Variants in TMEM45A observed in about 807,000 individuals in gnomAD.
The protein encoded by TMEM45A is transmembrane protein 45A.
In TMEM45A, 25 loss-of-function variants were observed where a neutral mutation model predicts 32.0. The ratio of observed to expected loss-of-function variants is 0.78; its 90% CI spans 0.57 to 1.09. The LOEUF (loss-of-function observed/expected upper bound fraction) is 1.09, where lower values mean the gene tolerates loss of function less well. Among genes scored for constraint, TMEM45A ranks in the 50% least tolerant of loss-of-function variants. The pLI is 0.00. For synonymous variants in TMEM45A, 122 were observed against 114.8 expected (o/e 1.06, Z -0.40); for missense variants, 302 against 325.0 (o/e 0.93, Z 0.54).
chr3:100,563,841 C>A (rs1287868253), intron 4 of TMEM45A, among the ~76,000 whole-genome samples: 1 of 152,174 alleles, frequency 6.6e-6, no homozygotes, highest in Non-Finnish European at 1.5e-5. Context: ...ACTGATATCT[C>A]CAAAGCAACA....
At chr3:100,526,806 A>G (rs1705553982) in intron 1 of TMEM45A, among the ~76,000 whole-genome samples, 2 of 152,212 alleles carry the variant, frequency 1.3e-5, no homozygotes, top group Admixed American at 1.3e-4. Flanking sequence ...ACTGTCTTAG[A>G]GTCCCCTAAG....
intron 5 of TMEM45A, chr3:100,572,615 T>C (rs1277920565): frequency 3.9e-5 from 6 of 152,044 alleles, no homozygotes; most frequent in Non-Finnish European, 8.8e-5. Flanking sequence ...TTAGATCCCA[T>C]TTGTCAATTT....
chr3:100,511,699 A>C (rs1178381443), intron 1 of TMEM45A, among the ~76,000 whole-genome samples: 2 of 150,738 alleles, frequency 1.3e-5, no homozygotes, highest in African/African-American at 4.8e-5. Flanking sequence ...AAGAGTCAAG[A>C]CCCATCAGTG....
At chr3:100,506,453 C>T (rs898752365) in intron 1 of TMEM45A, among the ~76,000 whole-genome samples, 1 of 152,166 alleles carries the variant, frequency 6.6e-6, no homozygotes, top group Non-Finnish European at 1.5e-5. Flanking sequence ...ACCACTCTCC[C>T]TGACTGTCCT....
At chr3:100,540,848 A>G (rs1705859352) in intron 1 of TMEM45A, among the ~76,000 whole-genome samples, 1 of 152,206 alleles carries the variant, frequency 6.6e-6, no homozygotes, top group Non-Finnish European at 1.5e-5. Flanking sequence ...GTATATACCC[A>G]GTAATGGAAT....
intron 1 of TMEM45A, among the ~76,000 whole-genome samples, chr3:100,537,139 T>A (rs950853388): frequency 2.0e-5 from 3 of 152,154 alleles, no homozygotes; most frequent in Admixed American, 6.5e-5. Context: ...GCTAGGTTGG[T>A]CTCAAACTCC....
intron 4 of TMEM45A, among the ~76,000 whole-genome samples, chr3:100,560,255 C>CTCTT (rs1477606699): frequency 1.6e-5 from 2 of 127,916 alleles, no homozygotes; most frequent in African/African-American, 5.8e-5. Context: ...GCTTCTCTCT[C>CTCTT]TCTCTCTTTT....
chr3:100,526,410 G>A (rs1026011898), intron 1 of TMEM45A, among the ~76,000 whole-genome samples: 9 of 152,112 alleles, frequency 5.9e-5, no homozygotes, highest in Non-Finnish European at 7.3e-5. Context: ...TTCTTTAAAT[G>A]CTAAGGGCCA....
chr3:100,499,213 T>C (rs185511434), intron 1 of TMEM45A, among the ~76,000 whole-genome samples: 2 of 152,336 alleles, frequency 1.3e-5, no homozygotes, highest in Admixed American at 1.3e-4. Flanking sequence ...CTAATTTCTT[T>C]ATTTTTTTCT....
chr3:100,564,544 C>A (rs1349358577), intron 4 of TMEM45A, among the ~76,000 whole-genome samples: 1 of 151,072 alleles, frequency 6.6e-6, no homozygotes, highest in Non-Finnish European at 1.5e-5. Flanking sequence ...AGTGCAGTGG[C>A]ACAATCTCAG....
At chr3:100,538,288 C>T (rs975639331) in intron 1 of TMEM45A, among the ~76,000 whole-genome samples, 3 of 152,208 alleles carry the variant, frequency 2.0e-5, no homozygotes, top group African/African-American at 7.2e-5. Flanking sequence ...ATTTCTAAAA[C>T]TGGCATTCAG....
chr3:100,559,614 A>C (rs962295056), intron 4 of TMEM45A, among the ~76,000 whole-genome samples: 1 of 152,068 alleles, frequency 6.6e-6, no homozygotes, highest in African/African-American at 2.4e-5. Context: ...ATTATATAAA[A>C]TATTATATAA....
intron 4 of TMEM45A, among the ~76,000 whole-genome samples, chr3:100,566,477 A>G (rs952882160): frequency 3.3e-5 from 5 of 152,166 alleles, no homozygotes; most frequent in Admixed American, 3.3e-4. Flanking sequence ...AATGTCTACC[A>G]TTTATTGGCT....
At chr3:100,536,930 A>AT (rs538641278) in intron 1 of TMEM45A, among the ~76,000 whole-genome samples, 73 of 151,992 alleles carry the variant, frequency 4.8e-4, no homozygotes, top group African/African-American at 1.7e-3. Context: ...GGAAGTGGGG[A>AT]TTTTTTTTGA....
intron 1 of TMEM45A, among the ~76,000 whole-genome samples, chr3:100,498,497 C>A (rs1374694247): frequency 1.3e-5 from 2 of 152,168 alleles, no homozygotes; most frequent in Admixed American, 6.5e-5. Flanking sequence ...AGCCTGCTAG[C>A]CTACCCTGTA....
chr3:100,575,359 T>G (rs1559657129), intron 5 of TMEM45A, among the ~76,000 whole-genome samples: 1 of 143,798 alleles, frequency 7.0e-6, no homozygotes, highest in Non-Finnish European at 1.5e-5. Context: ...GGCCTATGGA[T>G]TCTCTTTTTT....
chr3:100,529,165 T>G (rs1441348639), intron 1 of TMEM45A, among the ~76,000 whole-genome samples: 1 of 152,118 alleles, frequency 6.6e-6, no homozygotes, highest in African/African-American at 2.4e-5. Context: ...GGATTTAAAA[T>G]CAGAGAACAT....
At chr3:100,520,050 G>T (rs1367455836) in intron 1 of TMEM45A, among the ~76,000 whole-genome samples, 1 of 152,116 alleles carries the variant, frequency 6.6e-6, no homozygotes, top group Non-Finnish European at 1.5e-5. Context: ...TAACAGCTAA[G>T]GATTAAGCAG....
rs138656593 is a variant in TMEM45A, at chr3:100,555,676, G to A, written c.190+275G>A. On this transcript the variant is annotated intron_variant, in intron 2 of 5. Coordinates refer to ENST00000323523, the MANE Select transcript of TMEM45A (RefSeq NM_018004.3). ...TAAATTGGAGAAAGAGATTAGGCCA[G>A]ATGACTTCTAAGGCCTTTCCACTGA... 2.7e-4 allele frequency among the ~76,000 whole-genome samples: 41 copies of A among 152,282 alleles called. 1 individual carries two copies. In the East Asian group the frequency reaches 7.5e-3, roughly 28 times the overall value.
Sources: gnomAD v4.1 joint callset for allele counts (sites outside exome capture counted in the v4.1 genomes callset) on GRCh38, gnomAD v4.1.1 for gene constraint, MANE v1.5 for transcripts, NCBI Gene and HGNC (gene_info 2026-07-23, HGNC 2026-07-21) for gene names.